Variants in TRRAP observed in about 807,000 individuals in gnomAD.
TRRAP encodes the protein transformation/transcription domain-associated protein.
TRRAP carries 41 observed loss-of-function variants against 438.8 expected under a neutral mutation model. The observed-to-expected ratio is 0.09, with a 90% CI of 0.07 to 0.12. TRRAP has a LOEUF of 0.12. Ranked by LOEUF, TRRAP falls within the 10% of genes least tolerant of loss-of-function variation. The pLI is 1.00. For missense variants in TRRAP, 3,122 were observed against 5,055.1 expected (o/e 0.62, Z 11.60); for synonymous variants, 1,994 against 1,962.9 (o/e 1.02, Z -0.42).
chr7:99,011,394 T>C lies in TRRAP; in HGVS notation c.11196T>C (p.Thr3732=). The C allele has an allele frequency of 1.2e-6, 2 of 1,614,252 alleles. No homozygotes were observed. Among genetic ancestry groups the C allele is most frequent in the South Asian group, 1.1e-5 (1 of 91,086 alleles). The change falls in exon 72 of 73, where the codon ACT becomes ACC. Residue 3732 remains threonine, a synonymous_variant. Coordinates refer to ENST00000456197, the MANE Select transcript of TRRAP (RefSeq NM_001375524.1). This position sits in a 1 kb window ranked among gnomAD's most constrained non-coding sequence, Gnocchi z 7.1. ...TTCGATTTGACATAAACGACGCGAC[T>C]GGAGACCTGGATGCCAACCGTCCTG... ...AYFRFDINDA[T]GDLDANRPVP... is the part of the protein sequence containing the mutation.
intron 20 of TRRAP, among the ~76,000 whole-genome samples, chr7:98,920,045 C>G (rs1789710394): frequency 6.6e-6 from 1 of 152,148 alleles, no homozygotes; most frequent in South Asian, 2.1e-4. Flanking sequence ...TATTAAGAAG[C>G]CTGTTTGAAT....
At chr7:98,891,852 T>TA (rs1278567304) in intron 4 of TRRAP, among the ~76,000 whole-genome samples, 1 of 152,222 alleles carries the variant, frequency 6.6e-6, no homozygotes, top group African/African-American at 2.4e-5. Context: ...ATGTAGCTCT[T>TA]AAAAATAACT....
intron 56 of TRRAP, 37 bp downstream of exon 56, chr7:98,977,113 T>A (rs773987875): frequency 6.2e-7 from 1 of 1,612,044 alleles, no homozygotes; most frequent in Non-Finnish European, 8.5e-7. Context: ...GGGTGTGTAA[T>A]GAGAGGTCAT....
Position 98,967,540 on chromosome 7 carries a change from T to G in TRRAP, c.7354T>G (p.Ser2452Ala). Residue 2452 changes from serine to alanine, a missense_variant, in exon 51 of 73, where the codon TCT (serine) becomes GCT (alanine). Coordinates refer to ENST00000456197, the MANE Select transcript of TRRAP (RefSeq NM_001375524.1). ...GGCGAAACTTGAGCCTGCCTTTCTC[T>G]CTGGGCTGCGCTGTGCCCAGCCACT... ...LTAKLEPAFL[S>A]GLRCAQPLIR... The G allele has an allele frequency of 6.2e-7, 1 of 1,614,094 alleles. No individual in the cohort carries two copies.
At chr7:98,999,001 C>T (rs190762174) in intron 67 of TRRAP, 115 of 654,942 alleles carry the variant, frequency 1.8e-4, no homozygotes, top group African/African-American at 1.5e-3. Context: ...CCCCCACAGG[C>T]GGGGGCAGCA....
intron 58 of TRRAP, among the ~76,000 whole-genome samples, chr7:98,979,120 C>G (rs772282269): frequency 1.6e-4 from 25 of 152,230 alleles, no homozygotes; most frequent in Non-Finnish European, 3.1e-4. Flanking sequence ...TAGTCACAAA[C>G]TATGAACTAG....
At position 99,011,894 on chromosome 7, in the gene TRRAP, CCCCCAGCGGCTT is replaced by C. The variant is rs1363330274; in HGVS notation, c.11338-169_11338-158del. On this transcript the variant is annotated intron_variant, in intron 72 of 72. Coordinates refer to ENST00000456197, the MANE Select transcript of TRRAP (RefSeq NM_001375524.1). This position sits in a 1 kb window ranked among gnomAD's most constrained non-coding sequence, Gnocchi z 7.1. ...GCTCCAAGTGGAGGAAGGGGTTTGT[CCCCCAGCGGCTT>C]CCCCAGCCCGTCCTGAGGGCACACA... Among the ~76,000 whole-genome samples the C allele has an allele frequency of 6.6e-6, 1 of 152,204 alleles. No homozygotes were observed. The highest frequency in any genetic ancestry group is 1.5e-5 in the Non-Finnish European group (1 of 68,038).
chr7:98,939,185 T>A (rs1790684756), intron 30 of TRRAP, among the ~76,000 whole-genome samples: 1 of 152,210 alleles, frequency 6.6e-6, no homozygotes, highest in African/African-American at 2.4e-5. Flanking sequence ...CCTTTGACCA[T>A]TTGACGTTTT....
At chr7:98,880,225 C>T (rs1301773574) in intron 1 of TRRAP, among the ~76,000 whole-genome samples, 2 of 150,756 alleles carry the variant, frequency 1.3e-5, no homozygotes, top group African/African-American at 2.4e-5. Flanking sequence ...AAGGTTGCCC[C>T]AATCCAGCCT....
At chr7:98,883,297 T>A (rs1703232813) in intron 3 of TRRAP, among the ~76,000 whole-genome samples, 1 of 152,230 alleles carries the variant, frequency 6.6e-6, no homozygotes, top group Non-Finnish European at 1.5e-5. Context: ...ATTTTAGTTA[T>A]TGTGGTTTCA....
intron 67 of TRRAP, among the ~76,000 whole-genome samples, chr7:99,000,583 A>G (rs1438435711): frequency 6.6e-6 from 1 of 152,236 alleles, no homozygotes; most frequent in Non-Finnish European, 1.5e-5. Context: ...TGGGTTCAGC[A>G]TGCCACTGCC....
chr7:98,921,521 G>T (rs1185352907), intron 20 of TRRAP, among the ~76,000 whole-genome samples: 2 of 152,084 alleles, frequency 1.3e-5, no homozygotes, highest in Non-Finnish European at 2.9e-5. Context: ...GATTACAACA[G>T]CCTGCCACCA....
chr7:98,962,575 C>G, intron 47 of TRRAP, 148 bp downstream of exon 47: 4 of 1,439,240 alleles, frequency 2.8e-6, no homozygotes, highest in African/African-American at 2.8e-5. Flanking sequence ...GCCTGGGGCC[C>G]TCAAGGCCGC....
Position 98,948,197 on chromosome 7 carries a change from A to T in TRRAP, c.4549-24A>T. 3 of 1,613,644 alleles carry T rather than the reference A, an allele frequency of 1.9e-6. No individual in the cohort carries two copies. The highest frequency in any genetic ancestry group is 2.5e-6 in the Non-Finnish European group (3 of 1,180,042). On this transcript the variant is annotated intron_variant, in intron 33 of 72. Coordinates refer to ENST00000456197, the MANE Select transcript of TRRAP (RefSeq NM_001375524.1). This position sits in a 1 kb window ranked among gnomAD's most constrained non-coding sequence, Gnocchi z 4.9. ...ACTTGCAAAATTAATCGACCTGTTT[A>T]TAATTTCTGGTTTTCTTGATCAGGA...
At chr7:99,003,921 A>G (rs1177772544) in intron 67 of TRRAP, among the ~76,000 whole-genome samples, 7 of 152,076 alleles carry the variant, frequency 4.6e-5, no homozygotes, top group South Asian at 2.1e-4. Context: ...AAAGAAAAAG[A>G]AATTGGCCAA....
chr7:98,930,508 A>C, intron 24 of TRRAP, 125 bp from the exon 25 acceptor site: 1 of 1,256,672 alleles, frequency 8.0e-7, no homozygotes, highest in Non-Finnish European at 1.1e-6. Flanking sequence ...AACCTGGGAG[A>C]TGGAGGTTGC....
chr7:98,931,236 T>G (rs1371433735), intron 25 of TRRAP, among the ~76,000 whole-genome samples, 169 bp from the exon 26 acceptor site: 1 of 152,208 alleles, frequency 6.6e-6, no homozygotes, highest in Admixed American at 6.5e-5. Flanking sequence ...ATTAGGTGAC[T>G]TAGGGACTAA....
intron 43 of TRRAP, 34 bp from the exon 44 acceptor site, chr7:98,957,946 AT>A (rs1791701203): frequency 6.3e-7 from 1 of 1,593,600 alleles, no homozygotes; most frequent in Non-Finnish European, 8.6e-7. Context: ...TAGTGTTGCG[AT>A]TCTCTTCCTG....
chr7:99,007,634 C>T (rs1334171056), intron 69 of TRRAP, among the ~76,000 whole-genome samples: 1 of 151,826 alleles, frequency 6.6e-6, no homozygotes, highest in Non-Finnish European at 1.5e-5. Context: ...CAGGCGTGAG[C>T]CACCATGGCC....
Sources: gnomAD v4.1 joint callset for allele counts (sites outside exome capture counted in the v4.1 genomes callset) on GRCh38, gnomAD v4.1.1 for gene constraint, Gnocchi (gnomAD v3.1) non-coding constraint, MANE v1.5 for transcripts, NCBI Gene and HGNC (gene_info 2026-07-23, HGNC 2026-07-21) for gene names.